Variants in GALNTL6 observed in about 807,000 individuals in gnomAD.
GALNTL6 encodes the protein polypeptide N-acetylgalactosaminyltransferase like 6, also known as polypeptide N-acetylgalactosaminyltransferase-like 6.
A neutral mutation model predicts 73.7 loss-of-function variants in GALNTL6; 46 were observed. That is an observed-to-expected ratio of 0.62 (90% CI 0.49 to 0.80). The LOEUF (loss-of-function observed/expected upper bound fraction) is 0.80, where lower values mean the gene tolerates loss of function less well. GALNTL6 is among the 30% of genes least tolerant of loss of function. The pLI is 0.00. For synonymous variants in GALNTL6, 259 were observed against 263.7 expected (o/e 0.98, Z 0.17); for missense variants, 604 against 755.0 (o/e 0.80, Z 2.34).
chr4:172,694,574 A>G (rs1047883931), intron 5 of GALNTL6, among the ~76,000 whole-genome samples: 9 of 152,248 alleles, frequency 5.9e-5, no homozygotes, highest in African/African-American at 2.2e-4. Flanking sequence ...TCTGTAAAGG[A>G]CTTCTCAGTG....
At position 172,624,374 on chromosome 4, in the gene GALNTL6, C is replaced by G. The variant is rs895501335; in HGVS notation, c.554-184987C>G. On this transcript the variant is annotated intron_variant, in intron 5 of 12. Coordinates refer to ENST00000506823, the MANE Select transcript of GALNTL6 (RefSeq NM_001034845.3). The stretch of plus-strand genomic sequence containing the variant: ...GGTTACAATTGTGTGGTTTTTGGTT[C>G]TTGTTATTGGATAGATCCATCTTTC... 4.0e-5 allele frequency among the ~76,000 whole-genome samples: 6 copies of G among 151,194 alleles called. No individual in the cohort carries two copies. In the East Asian group the frequency reaches 1.2e-3, roughly 29 times the overall value.
chr4:172,530,906 C>G (rs1252356154), intron 5 of GALNTL6, among the ~76,000 whole-genome samples: 2 of 147,030 alleles, frequency 1.4e-5, no homozygotes, highest in Non-Finnish European at 3.0e-5. Context: ...ACAATGTTCA[C>G]AGACAGTCTA....
intron 5 of GALNTL6, among the ~76,000 whole-genome samples, chr4:172,495,332 G>A (rs1050133758): frequency 6.6e-6 from 1 of 150,812 alleles, no homozygotes; most frequent in East Asian, 2.0e-4. Context: ...ACTTGGCAAA[G>A]ATGAGAAGGT....
At chr4:172,004,212 G>C (rs1740759914) in intron 2 of GALNTL6, among the ~76,000 whole-genome samples, 1 of 152,084 alleles carries the variant, frequency 6.6e-6, no homozygotes, top group Admixed American at 6.5e-5. Context: ...AAGATTAATA[G>C]TTTGTCCCCA....
At chr4:172,037,148 C>T (rs975412548) in intron 2 of GALNTL6, among the ~76,000 whole-genome samples, 1 of 152,138 alleles carries the variant, frequency 6.6e-6, no homozygotes, top group Non-Finnish European at 1.5e-5. Flanking sequence ...GCTAAGATAA[C>T]GGGCCCAGTG....
intron 2 of GALNTL6, among the ~76,000 whole-genome samples, chr4:171,941,705 A>G (rs78886425): frequency 0.011 from 1,663 of 151,964 alleles, 33 homozygotes; most frequent in African/African-American, 0.038. Context: ...CTCTCTACCT[A>G]CTTTTATGGT....
chr4:171,816,426 T>A (rs1395463195), intron 2 of GALNTL6: 1 of 152,016 alleles, frequency 6.6e-6, no homozygotes, highest in African/African-American at 2.4e-5. Flanking sequence ...GTTTCCTTAT[T>A]TCTGGTTCTT....
intron 5 of GALNTL6, among the ~76,000 whole-genome samples, chr4:172,439,981 A>G (rs1166557353): frequency 2.6e-5 from 4 of 152,150 alleles, no homozygotes; most frequent in Middle Eastern, 3.4e-3. Flanking sequence ...TGTATGTTCT[A>G]TGGCAGAACA....
intron 3 of GALNTL6, among the ~76,000 whole-genome samples, chr4:172,283,277 T>C (rs954582780): frequency 2.0e-5 from 3 of 152,208 alleles, no homozygotes; most frequent in Non-Finnish European, 2.9e-5. Context: ...AACTGTATAA[T>C]ACGGGTAATA....
intron 8 of GALNTL6, among the ~76,000 whole-genome samples, chr4:172,914,704 C>A (rs186417201): frequency 4.8e-4 from 73 of 152,278 alleles, no homozygotes; most frequent in Non-Finnish European, 2.1e-4. Flanking sequence ...GCTAACTATC[C>A]TAAATGTATA....
intron 5 of GALNTL6, among the ~76,000 whole-genome samples, chr4:172,350,990 A>G (rs191898479): frequency 6.6e-6 from 1 of 152,072 alleles, no homozygotes; most frequent in Non-Finnish European, 1.5e-5. Flanking sequence ...AATGATAGTG[A>G]CTCTTCATGG....
chr4:172,568,297 G>T (rs1378409275), intron 5 of GALNTL6, among the ~76,000 whole-genome samples: 1 of 152,070 alleles, frequency 6.6e-6, no homozygotes, highest in Non-Finnish European at 1.5e-5. Context: ...GAACTTGGCG[G>T]CTGATTTGTC....
At chr4:172,856,734 TTTA>T (rs1434849122) in intron 7 of GALNTL6, among the ~76,000 whole-genome samples, 2 of 152,218 alleles carry the variant, frequency 1.3e-5, no homozygotes, top group Admixed American at 1.3e-4. Context: ...TTTCAGCTTT[TTTA>T]TTCTTTATGG....
chr4:171,857,016 G>C (rs1370955844), intron 2 of GALNTL6, among the ~76,000 whole-genome samples: 1 of 152,066 alleles, frequency 6.6e-6, no homozygotes, highest in East Asian at 1.9e-4. Flanking sequence ...TTATCATCTA[G>C]TGGGGTTTAT....
At chr4:172,789,442 A>G (rs571381588) in intron 5 of GALNTL6, among the ~76,000 whole-genome samples, 6 of 152,296 alleles carry the variant, frequency 3.9e-5, no homozygotes, top group Admixed American at 2.0e-4. Context: ...CTCGTCAGCT[A>G]TCGTTTGTGT....
intron 5 of GALNTL6, among the ~76,000 whole-genome samples, chr4:172,694,853 T>C (rs572421300): frequency 6.7e-4 from 102 of 152,278 alleles, no homozygotes; most frequent in African/African-American, 2.3e-3. Flanking sequence ...ACTAAACAAA[T>C]ATTGTACACT....
At chr4:172,574,816 TA>T (rs1300387089) in intron 5 of GALNTL6, among the ~76,000 whole-genome samples, 11 of 152,106 alleles carry the variant, frequency 7.2e-5, no homozygotes, top group African/African-American at 2.7e-4. Flanking sequence ...CTAAAATATA[TA>T]AACTATGATA....
chr4:172,109,839 A>T (rs182960883), intron 2 of GALNTL6, among the ~76,000 whole-genome samples: 1 of 152,314 alleles, frequency 6.6e-6, no homozygotes, highest in East Asian at 1.9e-4. Flanking sequence ...CATTGGCTTC[A>T]CTGGTTAAAA....
At chr4:172,649,958 G>A (rs1344526507) in intron 5 of GALNTL6, among the ~76,000 whole-genome samples, 3 of 152,288 alleles carry the variant, frequency 2.0e-5, no homozygotes, top group African/African-American at 7.2e-5. Context: ...TGTAGCCAAG[G>A]AGGTCACAGC....
Sources: allele counts gnomAD v4.1 joint callset (sites outside exome capture counted in the v4.1 genomes callset), GRCh38; gene constraint gnomAD v4.1.1; transcripts MANE v1.5; gene names NCBI Gene and HGNC (gene_info 2026-07-23, HGNC 2026-07-21).